Variants in RNF17 observed in about 807,000 individuals in gnomAD.
RNF17 encodes spermatogenesis associated 23.
A neutral mutation model predicts 200.5 loss-of-function variants in RNF17; 31 were observed. The observed-to-expected ratio is 0.15, with a 90% confidence interval of 0.12 to 0.21. The LOEUF (loss-of-function observed/expected upper bound fraction) is 0.21, where lower values mean the gene tolerates loss of function less well. Among genes scored for constraint, RNF17 ranks in the 10% least tolerant of loss-of-function variants. The probability of loss-of-function intolerance (pLI) is 1.00; values close to 1 mark genes in which losing one functional copy is unlikely to be tolerated. For synonymous variants in RNF17, 606 were observed against 637.8 expected (o/e 0.95, Z 0.75); for missense variants, 1,628 against 1,905.1 (o/e 0.85, Z 2.71).
At position 24,815,179 on chromosome 13, in the gene RNF17, G is replaced by A. The variant is rs375866157; in HGVS notation, c.2092-10440G>A. Among the ~76,000 whole-genome samples the A allele has an allele frequency of 5.9e-5, 9 of 152,156 alleles. No individual in the cohort carries two copies. In the East Asian group the frequency reaches 9.7e-4, roughly 16 times the overall value. ...TTAAGTCATCTTATCCATGAACACC[G>A]GATTTTTTTCATTTAGTTAGATCTT... On this transcript the variant is annotated intron_variant, in intron 15 of 35. Transcript: ENST00000255324.
chr13:24,857,770 A>G (rs1245212615), intron 25 of RNF17, among the ~76,000 whole-genome samples: 1 of 152,168 alleles, frequency 6.6e-6, no homozygotes, highest in Non-Finnish European at 1.5e-5. Context: ...ATGGTGGTGC[A>G]TGCCTGGGTC....
At chr13:24,819,376 C>A (rs1887771769) in intron 15 of RNF17, among the ~76,000 whole-genome samples, 1 of 152,118 alleles carries the variant, frequency 6.6e-6, no homozygotes, top group African/African-American at 2.4e-5. Flanking sequence ...TATTTTAAGG[C>A]TGAATAATAC....
At chr13:24,876,948 T>C (rs1295326732) in intron 33 of RNF17, 49 bp from the exon 34 acceptor site, 3 of 1,428,660 alleles carry the variant, frequency 2.1e-6, no homozygotes, top group East Asian at 4.8e-5. Context: ...AAGAATTGGA[T>C]AGTTTCAGCC....
Position 24,795,999 on chromosome 13 carries a change from T to C in RNF17, c.1241-138T>C, listed in dbSNP as rs556305305. 10 of 512,758 alleles carry C rather than the reference T, an allele frequency of 2.0e-5. No homozygotes were observed. In the African/African-American group the frequency reaches 2.0e-4, roughly 10 times the overall value. The allele number at this position is 512,758 out of a possible 1,614,324, so 31.8% of individuals were successfully genotyped here. ...TCAATCATTTAGGGCTTGCACTACT[T>C]CCTGGGGCCGACGTGCGATATTCCC... On this transcript the variant is annotated intron_variant, in intron 10 of 35. Coordinates refer to ENST00000255324, the MANE Select transcript of RNF17 (RefSeq NM_031277.3).
chr13:24,756,799 C>G, the RNF17 span, among the ~76,000 whole-genome samples: 2 of 152,130 alleles, frequency 1.3e-5, no homozygotes, highest in Non-Finnish European at 2.9e-5. Context: ...AGCCTTCCCC[C>G]ATATGTAACA....
intron 34 of RNF17, 55 bp downstream of exon 34, chr13:24,877,241 T>C: frequency 1.4e-6 from 2 of 1,464,062 alleles, no homozygotes; most frequent in South Asian, 1.2e-5. Flanking sequence ...GTCGATACTT[T>C]GTAAAGTGTT....
intron 15 of RNF17, among the ~76,000 whole-genome samples, chr13:24,812,687 T>TCGCC (rs1566168476): frequency 4.0e-5 from 1 of 24,732 alleles, no homozygotes; most frequent in East Asian, 1.3e-3. Flanking sequence ...CCACCCCCTT[T>TCGCC]TTTTTTTTTT....
intron 9 of RNF17, among the ~76,000 whole-genome samples, chr13:24,790,436 AC>A (rs1263661096): frequency 7.2e-5 from 11 of 152,148 alleles, no homozygotes; most frequent in Non-Finnish European, 1.2e-4. Flanking sequence ...GCCACTAATC[AC>A]ATGTAGCTAT....
At chr13:24,883,080 CCA>C (rs1953907108), downstream of RNF17, 7 of 1,096,758 alleles carry the variant, frequency 6.4e-6, no homozygotes, top group Non-Finnish European at 9.8e-6. Flanking sequence ...AATCTTTTCC[CCA>C]CACATACACA....
At chr13:24,830,878 G>A (rs755838287) in intron 17 of RNF17, among the ~76,000 whole-genome samples, 2 of 152,230 alleles carry the variant, frequency 1.3e-5, no homozygotes, top group Admixed American at 6.5e-5. Context: ...TAAGAGTCAC[G>A]TTCATGATAT....
intron 15 of RNF17, among the ~76,000 whole-genome samples, chr13:24,816,004 C>T (rs1435294764): frequency 6.6e-6 from 1 of 152,198 alleles, no homozygotes; most frequent in Non-Finnish European, 1.5e-5. Context: ...AAGCAGTCCT[C>T]CCGCCTCAGC....
At chr13:24,870,458 T>A in intron 31 of RNF17, 113 bp from the exon 32 acceptor site, 1 of 777,846 alleles carries the variant, frequency 1.3e-6, no homozygotes, top group South Asian at 1.7e-5. Context: ...TCAGGAGGTG[T>A]AGGGGTCTCT....
intron 2 of RNF17, among the ~76,000 whole-genome samples, chr13:24,774,437 T>C (rs532613475): frequency 3.9e-5 from 6 of 152,376 alleles, no homozygotes; most frequent in South Asian, 2.1e-4. Context: ...GTTGAACTCC[T>C]GACCTCAGGT....
At chr13:24,824,517 G>A (rs1888424372) in intron 15 of RNF17, 1 of 239,630 alleles carries the variant, frequency 4.2e-6, no homozygotes. Flanking sequence ...TTAACATTAA[G>A]AATTGGTATT....
intron 23 of RNF17, among the ~76,000 whole-genome samples, chr13:24,851,222 G>A (rs970882554): frequency 6.6e-6 from 1 of 152,170 alleles, no homozygotes; most frequent in Admixed American, 6.5e-5. Flanking sequence ...TCAAACTCCC[G>A]ACCTCAAGTG....
chr13:24,873,916 A>G, intron 32 of RNF17, among the ~76,000 whole-genome samples, 198 bp from the exon 33 acceptor site: 1 of 152,134 alleles, frequency 6.6e-6, no homozygotes, highest in Admixed American at 6.5e-5. Flanking sequence ...ATAGTATTCC[A>G]TTGTGTATAT....
At chr13:24,862,459 GT>G (rs1321322829) in intron 27 of RNF17, among the ~76,000 whole-genome samples, 5 of 368 alleles carry the variant, frequency 0.014, no homozygotes, top group Admixed American at 0.25. Context: ...TAAATGTAGG[GT>G]GTGTGTGTGT....
chr13:24,854,875 G>C (rs1252483241), intron 25 of RNF17, among the ~76,000 whole-genome samples: 3 of 152,112 alleles, frequency 2.0e-5, no homozygotes, highest in Non-Finnish European at 4.4e-5. Context: ...AAGATGAGTA[G>C]CCACATACAC....
At chr13:24,828,290 A>G (rs899987490) in intron 16 of RNF17, among the ~76,000 whole-genome samples, 5 of 151,950 alleles carry the variant, frequency 3.3e-5, no homozygotes, top group African/African-American at 1.2e-4. Flanking sequence ...ATAGAAATGT[A>G]TGTGTGATTT....
Sources: gnomAD v4.1 joint callset for allele counts (sites outside exome capture counted in the v4.1 genomes callset) on GRCh38, gnomAD v4.1.1 for gene constraint, MANE v1.5 for transcripts, NCBI Gene and HGNC (gene_info 2026-07-23, HGNC 2026-07-21) for gene names.